Variants in CAST observed in about 807,000 individuals in gnomAD.
The protein encoded by CAST is MIR583 host.
In CAST, 76 loss-of-function variants were observed where a neutral mutation model predicts 119.6. That is an observed-to-expected ratio of 0.64 (90% CI 0.53 to 0.77). The LOEUF is 0.77. Among genes scored for constraint, CAST ranks in the 30% least tolerant of loss-of-function variants. The pLI, the probability that CAST is intolerant of heterozygous loss-of-function variation, is 0.00. For synonymous variants in CAST, 319 were observed against 331.6 expected (o/e 0.96, Z 0.41); for missense variants, 953 against 946.5 (o/e 1.01, Z -0.09).
intron 1 of CAST, among the ~76,000 whole-genome samples, chr5:96,615,920 C>T (rs1444994702): frequency 6.6e-6 from 1 of 152,152 alleles, no homozygotes. Flanking sequence ...AGCAAGGAAG[C>T]CAGTCTGAGT....
the CAST span, among the ~76,000 whole-genome samples, chr5:96,068,250 C>A: frequency 2.6e-5 from 4 of 152,164 alleles, no homozygotes; most frequent in African/African-American, 9.6e-5. Context: ...GAACCCTGGT[C>A]TCTTAGAGAT....
chr5:96,654,128 A>G (rs548271524), intron 1 of CAST, among the ~76,000 whole-genome samples: 1 of 151,588 alleles, frequency 6.6e-6, no homozygotes, highest in South Asian at 2.1e-4. Context: ...GATTCAAGGA[A>G]TTATCCTGCC....
chr5:96,379,591 C>T, the CAST span: 1 of 152,084 alleles, frequency 6.6e-6, no homozygotes, highest in Non-Finnish European at 1.5e-5. Flanking sequence ...TACCACAGAA[C>T]CATTCTAGAT....
At chr5:96,448,004 T>A in the CAST span, among the ~76,000 whole-genome samples, 1 of 150,418 alleles carries the variant, frequency 6.6e-6, no homozygotes, top group African/African-American at 2.5e-5. Flanking sequence ...TGGATGGAAC[T>A]CTCATATGTT....
At chr5:96,015,230 C>T in the CAST span, among the ~76,000 whole-genome samples, 4 of 152,054 alleles carry the variant, frequency 2.6e-5, no homozygotes, top group African/African-American at 7.2e-5. Context: ...CCTAAAATGT[C>T]CTATGTTGAT....
chr5:96,168,582 A>G, the CAST span, among the ~76,000 whole-genome samples: 1 of 152,196 alleles, frequency 6.6e-6, no homozygotes, highest in Non-Finnish European at 1.5e-5. Flanking sequence ...AAGATACTAT[A>G]GCATAGCTTG....
the CAST span, among the ~76,000 whole-genome samples, chr5:96,454,215 C>T: frequency 6.6e-6 from 1 of 152,102 alleles, no homozygotes; most frequent in South Asian, 2.1e-4. Flanking sequence ...ATCTATGTTA[C>T]CTTATTAATC....
the CAST span, among the ~76,000 whole-genome samples, chr5:96,246,326 G>A: frequency 6.6e-6 from 1 of 151,904 alleles, no homozygotes; most frequent in South Asian, 2.1e-4. Flanking sequence ...GGGACTACAG[G>A]CACCCGCCAC....
chr5:96,173,866 G>T, the CAST span, among the ~76,000 whole-genome samples: 1 of 151,644 alleles, frequency 6.6e-6, no homozygotes, highest in Non-Finnish European at 1.5e-5. Flanking sequence ...TCAGCCTCCC[G>T]ACTAGGTGGG....
intron 27 of CAST, among the ~76,000 whole-genome samples, chr5:96,766,855 T>C: frequency 7.0e-6 from 1 of 142,730 alleles, no homozygotes; most frequent in East Asian, 2.3e-4. Context: ...TTCATTTTGG[T>C]GAGTAAGATG....
At chr5:96,303,915 T>C in the CAST span, among the ~76,000 whole-genome samples, 1 of 152,226 alleles carries the variant, frequency 6.6e-6, no homozygotes, top group South Asian at 2.1e-4. Flanking sequence ...AACATACGTG[T>C]GCTTAAGTCT....
At chr5:96,403,791 T>C in the CAST span, among the ~76,000 whole-genome samples, 2 of 152,234 alleles carry the variant, frequency 1.3e-5, no homozygotes, top group African/African-American at 4.8e-5. Context: ...TTTTCTAACT[T>C]GGACTTTCTA....
the CAST span, among the ~76,000 whole-genome samples, chr5:96,091,734 G>A: frequency 1.3e-5 from 2 of 150,580 alleles, no homozygotes; most frequent in South Asian, 2.1e-4. Flanking sequence ...TCAAGCTCCT[G>A]GACTCGTGAT....
chr5:96,184,830 C>G, the CAST span, among the ~76,000 whole-genome samples: 2 of 152,102 alleles, frequency 1.3e-5, no homozygotes, highest in Admixed American at 6.5e-5. Flanking sequence ...ATGCATGTAT[C>G]TTTATAACAG....
the CAST span, among the ~76,000 whole-genome samples, chr5:96,190,162 G>C: frequency 5.3e-5 from 8 of 152,314 alleles, no homozygotes; most frequent in Non-Finnish European, 1.0e-4. Flanking sequence ...GGGGGATTGA[G>C]GGGCAGCCAG....
At chr5:96,174,458 C>T in the CAST span, among the ~76,000 whole-genome samples, 1 of 152,208 alleles carries the variant, frequency 6.6e-6, no homozygotes, top group Admixed American at 6.5e-5. Context: ...AGGAGTTCGC[C>T]CTCTTGCTTA....
At chr5:96,698,304 C>T (rs941134928) in intron 3 of CAST, among the ~76,000 whole-genome samples, 1 of 152,160 alleles carries the variant, frequency 6.6e-6, no homozygotes, top group Non-Finnish European at 1.5e-5. Context: ...CTGGGAGGGG[C>T]AGGGCATAAC....
At chr5:96,650,757 T>C (rs921762719) in intron 1 of CAST, among the ~76,000 whole-genome samples, 3 of 151,846 alleles carry the variant, frequency 2.0e-5, no homozygotes, top group African/African-American at 4.8e-5. Context: ...TGTGTGTGTG[T>C]GTGTGTGTGT....
At chr5:96,399,060 T>C in the CAST span, 4 of 1,561,660 alleles carry the variant, frequency 2.6e-6, no homozygotes, top group Non-Finnish European at 3.5e-6. Context: ...AGAATCAGCA[T>C]TGAATAAAGT....
Sources: gnomAD v4.1 joint callset for allele counts (sites outside exome capture counted in the v4.1 genomes callset) on GRCh38, gnomAD v4.1.1 for gene constraint, MANE v1.5 for transcripts, NCBI Gene and HGNC (gene_info 2026-07-23, HGNC 2026-07-21) for gene names.